SUV39H1: variants seen among roughly 807,000 people sequenced by gnomAD.
SUV39H1 encodes the protein histone-lysine N-methyltransferase SUV39H1.
For missense variants in SUV39H1, 180 were observed against 386.3 expected (o/e 0.47, Z 4.48); for synonymous variants, 141 against 150.5 (o/e 0.94, Z 0.46).
upstream of SUV39H1, chrX:48,695,800 AGAG>A (rs1414462282): frequency 1.7e-6 from 2 of 1,154,898 alleles, no homozygotes; most frequent in African/African-American, 3.6e-5. Context: ...TCAACGCATC[AGAG>A]GAGACTGACT....
At chrX:48,699,688 G>A (rs2062467869) in intron 2 of SUV39H1, among the ~76,000 whole-genome samples, 1 of 111,795 alleles carries the variant, frequency 8.9e-6, no homozygotes, top group Non-Finnish European at 1.9e-5. Context: ...AGTGATGATG[G>A]TTTGTCACTG....
At chrX:48,699,881 T>C (rs2062468560) in intron 2 of SUV39H1, among the ~76,000 whole-genome samples, 1 of 110,619 alleles carries the variant, frequency 9.0e-6, no homozygotes, top group African/African-American at 3.3e-5. Context: ...TTGGAACAGT[T>C]TGGACAGACA....
intron 1 of SUV39H1, among the ~76,000 whole-genome samples, chrX:48,697,958 C>T (rs2062462029): frequency 8.9e-6 from 1 of 112,237 alleles, no homozygotes; most frequent in Non-Finnish European, 1.9e-5. Flanking sequence ...CGTATAAATT[C>T]AGAGCATAAC....
chrX:48,696,448 G>A (rs2062455339), upstream of SUV39H1: 2 of 223,318 alleles, frequency 9.0e-6, no homozygotes, highest in Non-Finnish European at 1.6e-5. Flanking sequence ...AGTATGACAG[G>A]ACTGAGGAAC....
upstream of SUV39H1, chrX:48,696,009 G>A (rs782128008): frequency 9.8e-6 from 9 of 915,647 alleles, no homozygotes; most frequent in African/African-American, 1.4e-4. Context: ...GTGCCCGACA[G>A]GGCTGTATTA....
chrX:48,699,103 C>A lies in SUV39H1; in HGVS notation c.165+56C>A, dbSNP rs782432002. On this transcript the variant is annotated intron_variant, in intron 2 of 5. Coordinates refer to ENST00000376687, the MANE Select transcript of SUV39H1 (RefSeq NM_003173.4). Reference sequence around the variant, plus strand: ...GGACAGGTCACAAGGAAGTTAGTGTCCTGCCCTCTTGTCCCCAACTGCCCA... The same window carrying A: ...GGACAGGTCACAAGGAAGTTAGTGTACTGCCCTCTTGTCCCCAACTGCCCA... The A allele has an allele frequency of 2.6e-5, 30 of 1,133,872 alleles. No homozygotes were observed. The African/African-American group carries it at 4.9e-4, about 18-fold the overall frequency. 93.4% of individuals were successfully genotyped at this position (1,133,872 alleles called of 1,213,427 possible).
intron 3 of SUV39H1, among the ~76,000 whole-genome samples, chrX:48,703,149 C>T (rs1387509900): frequency 8.9e-6 from 1 of 112,603 alleles, no homozygotes; most frequent in Non-Finnish European, 1.9e-5. Flanking sequence ...AAGTTTGATA[C>T]AAATGTTATC....
chrX:48,704,503 AG>A (rs1455623394), intron 3 of SUV39H1, among the ~76,000 whole-genome samples: 1 of 111,257 alleles, frequency 9.0e-6, no homozygotes, highest in African/African-American at 3.3e-5. Flanking sequence ...GAAGCTTGGA[AG>A]GCTGCCTAGA....
chrX:48,695,993 C>T, upstream of SUV39H1: 2 of 975,872 alleles, frequency 2.0e-6, no homozygotes, highest in Non-Finnish European at 2.8e-6. Context: ...CAGTGACCAA[C>T]TGATAGTGCC....
rs782387231 is a variant in SUV39H1 at position 48,707,464 on chromosome X, G to A, written c.1133G>A (p.Arg378His). ...GACCCCGTGGACATGGAGAGCACCC[G>A]CATGGACTCCAACTTTGGCCTGGCT... Reference protein sequence around the residue: ...QVDPVDMESTRMDSNFGLAGL... With the variant: ...QVDPVDMESTHMDSNFGLAGL... Residue 378 changes from arginine (R) to histidine (H), a missense_variant, in exon 6 of 6, where the codon CGC becomes CAC. By Grantham distance (29) the Arg-to-His change is conservative. Coordinates refer to ENST00000376687, the MANE Select transcript of SUV39H1 (RefSeq NM_003173.4). 2 of 1,110,188 alleles carry A rather than the reference G, an allele frequency of 1.8e-6. No homozygotes were observed. The highest frequency in any genetic ancestry group is 2.4e-6 in the Non-Finnish European group (2 of 832,534). 91.5% of individuals were successfully genotyped at this position (1,110,188 alleles called of 1,213,427 possible).
rs782459735 is a variant in SUV39H1 at position 48,700,478 on chromosome X, G to A, written c.553G>A (p.Asp185Asn). The A allele has an allele frequency of 2.3e-5, 28 of 1,210,870 alleles. No individual in the cohort carries two copies. In the East Asian group the frequency reaches 7.7e-4, roughly 33 times the overall value. ...GGTGGCTGTGGGCTGCGAGTGCCAGGACTGTCTGTGGGCACCCACTGGAGG... is the reference window on the plus strand; with the variant it reads ...GGTGGCTGTGGGCTGCGAGTGCCAGAACTGTCTGTGGGCACCCACTGGAGG... ...NQVAVGCECQ[D>N]CLWAPTGGCC... The change falls in exon 3 of 6, where the codon GAC becomes AAC. Residue 185 changes from aspartate (D) to asparagine (N), a missense_variant. By Grantham distance (23) the Asp-to-Asn change is conservative. Transcript: ENST00000376687.
upstream of SUV39H1, chrX:48,696,589 G>A: frequency 2.2e-6 from 1 of 444,808 alleles, no homozygotes; most frequent in Admixed American, 6.6e-5. Flanking sequence ...CGCACTCTGG[G>A]AAAGCGCGGC....
At chrX:48,704,686 G>A (rs782739118) in intron 3 of SUV39H1, among the ~76,000 whole-genome samples, 5 of 111,847 alleles carry the variant, frequency 4.5e-5, no homozygotes, top group Admixed American at 3.8e-4. Context: ...TAGAGAATCC[G>A]TCTCTTCTCC....
At chrX:48,695,751 A>T (rs2062452345), upstream of SUV39H1, 2 of 1,152,065 alleles carry the variant, frequency 1.7e-6, no homozygotes, top group Non-Finnish European at 2.3e-6. Context: ...CGATGGCTGT[A>T]CGTGGTTACG....
intron 5 of SUV39H1, among the ~76,000 whole-genome samples, chrX:48,707,196 AC>A (rs1168899023): frequency 9.3e-6 from 1 of 107,197 alleles, no homozygotes; most frequent in African/African-American, 3.4e-5. Context: ...GGCCTGAACA[AC>A]CTCCAGTGCT....
At chrX:48,700,774 G>A (rs782312698) in intron 3 of SUV39H1, 21 bp downstream of exon 3, 202 of 1,199,737 alleles carry the variant, frequency 1.7e-4, no homozygotes, top group Non-Finnish European at 8.8e-5. Flanking sequence ...GGGACCCGGT[G>A]TGTGTGTGCA....
upstream of SUV39H1, chrX:48,695,960 T>C (rs1768617141): frequency 1.5e-5 from 16 of 1,090,639 alleles, no homozygotes; most frequent in Non-Finnish European, 2.0e-5. Flanking sequence ...GTGGTGTGAA[T>C]GAGAAGTAAT....
upstream of SUV39H1, chrX:48,695,653 C>T: frequency 2.7e-6 from 3 of 1,108,693 alleles, no homozygotes; most frequent in South Asian, 4.4e-5. Context: ...CAGTCGGATG[C>T]TGAGAATGAC....
At chrX:48,697,186 G>A (rs1281894636) in intron 1 of SUV39H1, among the ~76,000 whole-genome samples, 1 of 111,597 alleles carries the variant, frequency 9.0e-6, no homozygotes, top group African/African-American at 3.3e-5. Context: ...GGGGAGGGAA[G>A]ATAAGGGGGA....
Sources: gnomAD v4.1 joint callset for allele counts (sites outside exome capture counted in the v4.1 genomes callset) on GRCh38, gnomAD v4.1.1 for gene constraint, MANE v1.5 for transcripts, NCBI Gene and HGNC (gene_info 2026-07-23, HGNC 2026-07-21) for gene names.